ARHGAP6: variants seen among roughly 807,000 people sequenced by gnomAD.
ARHGAP6 encodes the protein Rho GTPase activating protein 6.
In ARHGAP6, 16 loss-of-function variants were observed where a neutral mutation model predicts 55.7. That is an observed-to-expected ratio of 0.29 (90% CI 0.19 to 0.44). The LOEUF (loss-of-function observed/expected upper bound fraction) is 0.44, where lower values mean the gene tolerates loss of function less well. ARHGAP6 is among the 20% of genes least tolerant of loss of function. ARHGAP6 has a pLI of 1.00. For synonymous variants in ARHGAP6, 382 were observed against 360.9 expected, an observed-to-expected ratio of 1.06 and a Z score of -0.66; for missense variants, 698 against 808.9, an observed-to-expected ratio of 0.86 and a Z score of 1.66.
chrX:11,579,616 C>G (rs927578058), intron 1 of ARHGAP6, among the ~76,000 whole-genome samples: 3 of 112,032 alleles, frequency 2.7e-5, no homozygotes, highest in Non-Finnish European at 5.6e-5. Context: ...CTAAGGGTCA[C>G]TTATCTGGGG....
intron 1 of ARHGAP6, among the ~76,000 whole-genome samples, chrX:11,271,369 A>G (rs1189673850): frequency 9.0e-6 from 1 of 111,701 alleles, no homozygotes; most frequent in Non-Finnish European, 1.9e-5. Flanking sequence ...CAAACAAACT[A>G]GGCAAAATAA....
intron 1 of ARHGAP6, among the ~76,000 whole-genome samples, chrX:11,409,511 G>A (rs1013011198): frequency 8.9e-6 from 1 of 112,234 alleles, no homozygotes; most frequent in African/African-American, 3.2e-5. Flanking sequence ...CACTGTGAAG[G>A]TGGAGCAGGA....
intron 1 of ARHGAP6, among the ~76,000 whole-genome samples, chrX:11,623,127 T>C (rs1347145263): frequency 9.0e-6 from 1 of 111,592 alleles, no homozygotes; most frequent in Non-Finnish European, 1.9e-5. Context: ...CAAATTGTCC[T>C]TGTTTGCAGA....
chrX:11,279,974 A>C (rs1319985684), intron 1 of ARHGAP6, among the ~76,000 whole-genome samples: 1 of 111,196 alleles, frequency 9.0e-6, no homozygotes, highest in Non-Finnish European at 1.9e-5. Context: ...TCTGCCCCTC[A>C]AGGGACATTT....
In ARHGAP6 at chrX:11,142,495, C is replaced by T. The variant is rs2045633657; in HGVS notation, c.2177-182G>A. On this transcript the variant is annotated intron_variant, in intron 11 of 12. Transcript: ENST00000337414. ...TCTACTTGGGATTTACAAAAAGGCC[C>T]TTTCTATATCATGCTCGTGGTAGAC... The T allele has an allele frequency of 1.8e-5, 4 of 226,597 alleles. No individual in the cohort carries two copies. The South Asian group carries it at 5.2e-4, about 29-fold the overall frequency. 18.7% of individuals were successfully genotyped at this position (226,597 alleles called of 1,213,427 possible).
At chrX:11,534,564 C>T (rs1032734004) in intron 1 of ARHGAP6, among the ~76,000 whole-genome samples, 1 of 109,582 alleles carries the variant, frequency 9.1e-6, no homozygotes, top group African/African-American at 3.3e-5. Context: ...CAGACATTAC[C>T]AACTGTCTTC....
chrX:11,565,022 G>A (rs1049811255), intron 1 of ARHGAP6, among the ~76,000 whole-genome samples: 40 of 112,062 alleles, frequency 3.6e-4, no homozygotes, highest in African/African-American at 1.2e-3. Flanking sequence ...TCAGCCAGCT[G>A]ATTAAAGTGC....
intron 3 of ARHGAP6, among the ~76,000 whole-genome samples, chrX:11,192,019 C>T (rs764629164): frequency 2.0e-4 from 22 of 111,825 alleles, no homozygotes; most frequent in African/African-American, 2.9e-4. Flanking sequence ...GCACGATGCC[C>T]GTAACTTAAA....
At chrX:11,314,506 CTT>C (rs2048334094) in intron 1 of ARHGAP6, among the ~76,000 whole-genome samples, 1 of 112,354 alleles carries the variant, frequency 8.9e-6, no homozygotes, top group Non-Finnish European at 1.9e-5. Flanking sequence ...AGTGTTCACT[CTT>C]TAAATTTGTG....
chrX:11,294,082 T>A (rs147108420), intron 1 of ARHGAP6, among the ~76,000 whole-genome samples: 3,891 of 112,120 alleles, frequency 0.035, 179 homozygotes, highest in African/African-American at 0.12. Flanking sequence ...AAAATGAAGA[T>A]TCCATTGAAA....
Position 11,514,214 on chromosome X carries a change from T to C in ARHGAP6, c.588+150027A>G, listed in dbSNP as rs750789018. ...GTGGTTTTACATAACGGAAAGTGCC[T>C]GAATTCCTGAGTGACTTCTTGAAGG... On this transcript the variant is annotated intron_variant, in intron 1 of 12. Coordinates refer to ENST00000337414, the MANE Select transcript of ARHGAP6 (RefSeq NM_013427.3). Among the ~76,000 whole-genome samples the C allele has an allele frequency of 9.7e-5, 10 of 103,006 alleles. No individual in the cohort carries two copies. The South Asian group carries it at 4.1e-3, about 42-fold the overall frequency. The allele number at this position is 103,006 out of a possible 115,157, so 89.4% of individuals were successfully genotyped here.
chrX:11,219,648 G>A (rs2046937465), intron 2 of ARHGAP6, among the ~76,000 whole-genome samples: 1 of 93,293 alleles, frequency 1.1e-5, no homozygotes, highest in African/African-American at 4.0e-5. Flanking sequence ...GTGATGGTGA[G>A]CATTTTTTCA....
At chrX:11,143,797 CG>C in intron 11 of ARHGAP6, 182 bp downstream of exon 11, 3 of 1,150,972 alleles carry the variant, frequency 2.6e-6, no homozygotes, top group Non-Finnish European at 2.3e-6. Context: ...CGACTGGGCT[CG>C]CCATACCTTC....
intron 9 of ARHGAP6, 108 bp from the exon 10 acceptor site, chrX:11,156,734 G>A (rs1303600276): frequency 6.9e-6 from 4 of 579,756 alleles, no homozygotes; most frequent in Non-Finnish European, 1.1e-5. Flanking sequence ...AAAGCTGCAA[G>A]ACAGCAGAAT....
At chrX:11,346,763 GA>G (rs751232979) in intron 1 of ARHGAP6, among the ~76,000 whole-genome samples, 2 of 108,461 alleles carry the variant, frequency 1.8e-5, no homozygotes, top group African/African-American at 3.4e-5. Context: ...AAGAGAGAAA[GA>G]AAAGAAAAGA....
At chrX:11,415,367 G>A (rs764070965) in intron 1 of ARHGAP6, among the ~76,000 whole-genome samples, 10 of 111,825 alleles carry the variant, frequency 8.9e-5, no homozygotes, top group African/African-American at 1.6e-4. Flanking sequence ...ATATCAGTGA[G>A]AGAACCTCAA....
At chrX:11,552,601 GACACACAC>G (rs769582716) in intron 1 of ARHGAP6, among the ~76,000 whole-genome samples, 1 of 35,956 alleles carries the variant, frequency 2.8e-5, no homozygotes, top group Admixed American at 3.7e-4. Context: ...TATATATATA[GACACACAC>G]ACACACACAC....
Position 11,392,778 on chromosome X carries a change from G to A in ARHGAP6, c.589-138071C>T, listed in dbSNP as rs138618964. On this transcript the variant is annotated intron_variant, in intron 1 of 12. Coordinates refer to ENST00000337414, the MANE Select transcript of ARHGAP6 (RefSeq NM_013427.3). ...GTCTAAGTTCTTTCAACTTCTCCTA[G>A]CTGACTTCTTTATTTTTTCAACACA... Among the ~76,000 whole-genome samples the A allele has an allele frequency of 3.9e-3, 433 of 111,808 alleles. 3 individuals carry two copies. Among genetic ancestry groups the A allele is most frequent in the Non-Finnish European group, 3.3e-3 (175 of 53,056 alleles).
At chrX:11,579,582 T>G (rs1431087575) in intron 1 of ARHGAP6, among the ~76,000 whole-genome samples, 3 of 112,164 alleles carry the variant, frequency 2.7e-5, no homozygotes, top group African/African-American at 9.7e-5. Flanking sequence ...ATAGTCCTTC[T>G]TACCTTCAGA....
Sources: gnomAD v4.1 joint callset for allele counts (sites outside exome capture counted in the v4.1 genomes callset) on GRCh38, gnomAD v4.1.1 for gene constraint, MANE v1.5 for transcripts, NCBI Gene and HGNC (gene_info 2026-07-23, HGNC 2026-07-21) for gene names.